COLEC10: variants seen among roughly 807,000 people sequenced by gnomAD.
COLEC10 encodes collectin-10.
In COLEC10, 22 loss-of-function variants were observed where a neutral mutation model predicts 28.4. That is an observed-to-expected ratio of 0.78 (90% CI 0.55 to 1.11). COLEC10 has a LOEUF of 1.11. Among genes scored for constraint, COLEC10 ranks in the 50% least tolerant of loss-of-function variants. The probability of loss-of-function intolerance (pLI) is 0.00; values close to 1 mark genes in which losing one functional copy is unlikely to be tolerated. For missense variants in COLEC10, 361 were observed against 344.1 expected (o/e 1.05, Z -0.39); for synonymous variants, 125 against 116.1 (o/e 1.08, Z -0.49).
In COLEC10 at chr8:119,103,936, T is replaced by A. The variant is rs16892030; in HGVS notation, c.442+41T>A. 3,489 of 1,275,042 alleles carry A rather than the reference T, an allele frequency of 2.7e-3. 42 individuals carry two copies. The African/African-American group carries it at 0.032, about 12-fold the overall frequency. The allele number at this position is 1,275,042 out of a possible 1,614,324, so 79.0% of individuals were successfully genotyped here. A position where few individuals can be genotyped will look rare whatever the true frequency, so the allele number is the denominator to read the frequency against. ...TTTGTGTTATGTATCTATTGATAGA[T>A]CTCCATCAACACTACAATTCCAGTA... On this transcript the variant is annotated intron_variant, in intron 5 of 5. Coordinates refer to ENST00000332843, the MANE Select transcript of COLEC10 (RefSeq NM_006438.5).
intron 1 of COLEC10, among the ~76,000 whole-genome samples, chr8:119,077,243 A>ATCTTTTTTTT (rs1815257835): frequency 1.1e-5 from 1 of 90,292 alleles, no homozygotes; most frequent in Non-Finnish European, 2.1e-5. Context: ...GTAGAGAATG[A>ATCTTTTTTTT]TTTTTTTTTT....
At chr8:119,042,919 G>A (rs1200729697) in intron 2 of COLEC10, among the ~76,000 whole-genome samples, 1 of 152,096 alleles carries the variant, frequency 6.6e-6, no homozygotes, top group Non-Finnish European at 1.5e-5. Flanking sequence ...GGAATCAAAT[G>A]AAGAAGCAAT....
chr8:119,070,111 T>C (rs1466880131), intron 1 of COLEC10, among the ~76,000 whole-genome samples: 3 of 152,156 alleles, frequency 2.0e-5, no homozygotes, highest in African/African-American at 7.2e-5. Flanking sequence ...CATGGTTTAG[T>C]GGAAAGAAAG....
At chr8:118,992,933 T>A (rs1683077321), upstream of COLEC10, among the ~76,000 whole-genome samples, 3 of 152,162 alleles carry the variant, frequency 2.0e-5, no homozygotes, top group African/African-American at 7.2e-5. Flanking sequence ...ATTGTTAAGA[T>A]AATATAAATT....
At chr8:118,974,014 T>C in the COLEC10 span, among the ~76,000 whole-genome samples, 1 of 151,848 alleles carries the variant, frequency 6.6e-6, no homozygotes, top group African/African-American at 2.4e-5. Context: ...TGTAATTCAC[T>C]CTGCTTGGAG....
rs1298533560 is a variant in COLEC10 at position 119,102,335 on chromosome 8, TG to T, written c.293-12del. On this transcript the variant is annotated splice_polypyrimidine_tract_variant and intron_variant, in intron 3 of 5. Transcript: ENST00000332843. ...AATTTTATTTTATTTTGGTTGCTAT[TG>T]TTTTTTTTCAGGTGACAAAGGGGAA... 5.1e-5 allele frequency: 81 copies of T among 1,580,908 alleles called. No individual in the cohort carries two copies. The highest frequency in any genetic ancestry group is 9.5e-5 in the African/African-American group (7 of 73,950).
intron 1 of COLEC10, among the ~76,000 whole-genome samples, chr8:119,075,307 C>A (rs548338193): frequency 1.4e-4 from 22 of 152,302 alleles, no homozygotes; most frequent in African/African-American, 5.3e-4. Flanking sequence ...AACCCATAAC[C>A]AGTGTGTCTG....
intron 2 of COLEC10, among the ~76,000 whole-genome samples, chr8:119,042,147 A>G (rs1003532777): frequency 6.7e-6 from 1 of 149,918 alleles, no homozygotes; most frequent in Non-Finnish European, 1.5e-5. Context: ...ACAGGAATGC[A>G]CCACCATGCC....
intron 2 of COLEC10, among the ~76,000 whole-genome samples, chr8:119,044,048 T>C (rs930435141): frequency 1.3e-5 from 2 of 152,192 alleles, no homozygotes; most frequent in African/African-American, 4.8e-5. Context: ...AGGGAACATA[T>C]TTACCATTAG....
chr8:119,074,039 G>A (rs1213771467), intron 1 of COLEC10, among the ~76,000 whole-genome samples: 21 of 151,686 alleles, frequency 1.4e-4, no homozygotes. Flanking sequence ...TCTGAGCTCT[G>A]CCACTTACCT....
chr8:119,065,789 C>A (rs1814942592), upstream of COLEC10, among the ~76,000 whole-genome samples: 2 of 149,148 alleles, frequency 1.3e-5, no homozygotes, highest in Admixed American at 6.7e-5. Context: ...ACCTGGGAGG[C>A]AGAGGTTGCA....
Position 119,105,890 on chromosome 8 carries a change from T to A in COLEC10, c.533T>A (p.Ile178Asn). ...AGGGAATCCCTAACCCACTGCAGGA[T>A]TCGGGGTGGAATGCTAGCCATGCCC... Reference protein sequence around the residue: ...NYRESLTHCRIRGGMLAMPKD... With the variant: ...NYRESLTHCRNRGGMLAMPKD... Residue 178 changes from isoleucine (I) to asparagine (N), a missense_variant, in exon 6 of 6, where the codon ATT becomes AAT. By Grantham distance (149) the Ile-to-Asn change is moderately radical. This residue lies in a region of COLEC10 where 335 missense variants were observed against 308.5 expected (regional missense o/e 1.09). Transcript: ENST00000332843. The A allele has an allele frequency of 6.2e-7, 1 of 1,613,784 alleles. No homozygotes were observed. Among genetic ancestry groups the A allele is most frequent in the African/African-American group, 1.3e-5 (1 of 74,998 alleles).
intron 3 of COLEC10, among the ~76,000 whole-genome samples, chr8:119,091,615 A>G (rs1037398519): frequency 3.9e-4 from 59 of 150,912 alleles, no homozygotes; most frequent in Admixed American, 1.1e-3. Context: ...GAAAGAAAGA[A>G]AGAAAGAAAG....
chr8:119,101,664 A>T (rs563510276), intron 3 of COLEC10, among the ~76,000 whole-genome samples: 49 of 152,058 alleles, frequency 3.2e-4, no homozygotes, highest in Admixed American at 1.2e-3. Context: ...AAAATTGTAA[A>T]CTCCTTCAAG....
At chr8:118,960,414 C>T in the COLEC10 span, among the ~76,000 whole-genome samples, 1 of 152,150 alleles carries the variant, frequency 6.6e-6, no homozygotes, top group Non-Finnish European at 1.5e-5. Flanking sequence ...CTTTATTTCA[C>T]TTTGTCCTGA....
intron 2 of COLEC10, among the ~76,000 whole-genome samples, chr8:119,050,808 A>G (rs1345466524): frequency 3.9e-5 from 6 of 152,250 alleles, no homozygotes; most frequent in Admixed American, 3.9e-4. Context: ...TGAGGAGGCC[A>G]AGTTCATATG....
intron 1 of COLEC10, among the ~76,000 whole-genome samples, chr8:119,001,789 C>T (rs1813706409): frequency 6.6e-6 from 1 of 152,082 alleles, no homozygotes; most frequent in Non-Finnish European, 1.5e-5. Context: ...TTACAAATTT[C>T]AAGTATGAAT....
In COLEC10 at chr8:119,091,232, C is replaced by A. The variant is rs1458680851; in HGVS notation, c.292+12C>A. On this transcript the variant is annotated intron_variant, in intron 3 of 5. Coordinates refer to ENST00000332843, the MANE Select transcript of COLEC10 (RefSeq NM_006438.5). ...CATTGGGAAGAAGGGTAAGTTGCAT[C>A]TTACTATTCTCCAGTAGCAATTCAA... The A allele has an allele frequency of 1.2e-6, 2 of 1,604,050 alleles. No individual in the cohort carries two copies. Among genetic ancestry groups the A allele is most frequent in the Non-Finnish European group, 1.7e-6 (2 of 1,171,840 alleles).
intron 1 of COLEC10, among the ~76,000 whole-genome samples, chr8:119,070,476 T>TCTCTCTCTCC (rs1554627418): frequency 1.2e-4 from 12 of 99,040 alleles, no homozygotes; most frequent in African/African-American, 2.6e-4. Flanking sequence ...TCTCTCTCTC[T>TCTCTCTCTCC]CCTTCCCCCT....
Sources: gnomAD v4.1 joint callset for allele counts (sites outside exome capture counted in the v4.1 genomes callset) on GRCh38, gnomAD v4.1.1 for gene constraint, gnomAD v4.1.1 regional missense constraint, MANE v1.5 for transcripts, NCBI Gene and HGNC (gene_info 2026-07-23, HGNC 2026-07-21) for gene names.